DIP2C: variants seen among roughly 807,000 people sequenced by gnomAD.
The protein encoded by DIP2C is DIP2 acetate--CoA ligase C (putative).
Under a neutral mutation model 192.4 loss-of-function variants are expected in DIP2C, and 33 were observed. That is an observed-to-expected ratio of 0.17 (90% CI 0.13 to 0.23). The LOEUF (loss-of-function observed/expected upper bound fraction) is 0.23. DIP2C is among the 10% of genes least tolerant of loss of function. The pLI, the probability that DIP2C is intolerant of heterozygous loss-of-function variation, is 1.00. For missense variants in DIP2C, 1,537 were observed against 2,110.1 expected, an observed-to-expected ratio of 0.73 and a Z score of 5.32; for synonymous variants, 979 against 864.1, an observed-to-expected ratio of 1.13 and a Z score of -2.33.
intron 1 of DIP2C, among the ~76,000 whole-genome samples, chr10:616,300 G>T (rs1410752297): frequency 1.3e-5 from 2 of 152,212 alleles, no homozygotes; most frequent in Admixed American, 6.5e-5. Context: ...TTACAGACAA[G>T]CATGAATGAA....
chr10:364,653 G>A (rs1959964264), intron 19 of DIP2C, 71 bp from the exon 20 acceptor site: 2 of 1,512,356 alleles, frequency 1.3e-6, no homozygotes. Flanking sequence ...CGCTACTCCT[G>A]GGAGCACGGC....
At chr10:327,950 G>A (rs1957347279) in intron 30 of DIP2C, among the ~76,000 whole-genome samples, 3 of 152,192 alleles carry the variant, frequency 2.0e-5, no homozygotes, top group South Asian at 2.1e-4. Flanking sequence ...TACCTGGGCC[G>A]AGCAGAGGGA....
chr10:647,399 G>T (rs1356123556), intron 1 of DIP2C, among the ~76,000 whole-genome samples: 2 of 150,732 alleles, frequency 1.3e-5, no homozygotes, highest in Non-Finnish European at 3.0e-5. Context: ...CGTCCACATT[G>T]GATGGTGGGA....
intron 4 of DIP2C, among the ~76,000 whole-genome samples, chr10:424,354 G>GT (rs1564695965): frequency 3.3e-5 from 4 of 121,024 alleles, no homozygotes; most frequent in Admixed American, 2.0e-4. Context: ...TATCACCTTG[G>GT]GTTTTTTTTT....
chr10:416,073 A>C (rs1965615788), intron 6 of DIP2C, among the ~76,000 whole-genome samples, 185 bp from the exon 7 acceptor site: 1 of 151,148 alleles, frequency 6.6e-6, no homozygotes. Context: ...AGGAGACCGG[A>C]CAGAGATACA....
chr10:590,461 C>T (rs1414239608), intron 1 of DIP2C, among the ~76,000 whole-genome samples: 1 of 152,206 alleles, frequency 6.6e-6, no homozygotes, highest in Admixed American at 6.5e-5. Flanking sequence ...GAACCCACGC[C>T]GAACCTCAGT....
chr10:479,132 T>C (rs1211404410), intron 2 of DIP2C, among the ~76,000 whole-genome samples: 2 of 152,208 alleles, frequency 1.3e-5, no homozygotes, highest in East Asian at 3.8e-4. Context: ...AATTACATGC[T>C]CTTGTTCACA....
intron 36 of DIP2C, among the ~76,000 whole-genome samples, chr10:277,844 G>C (rs951751505): frequency 2.6e-5 from 4 of 152,064 alleles, no homozygotes; most frequent in Non-Finnish European, 4.4e-5. Flanking sequence ...CCCATTTCTA[G>C]CACAGCATCA....
At position 277,066 on chromosome 10, in the gene DIP2C, G is replaced by GT. The variant is rs58467652; in HGVS notation, c.*258dup. On this transcript the variant is annotated 3_prime_UTR_variant, in exon 37 of 37. Coordinates refer to ENST00000280886, the MANE Select transcript of DIP2C (RefSeq NM_014974.3). ...TAAAAAAGAAAGAAAAGAAAAGAAA[G>GT]TTTTGAAATGGGCTTTTCCAACAAA... 392,773 of 394,808 alleles carry GT rather than the reference G, an allele frequency of 0.99. 195,415 individuals carry two copies. The highest frequency in any genetic ancestry group is 1 in the East Asian group (25,095 of 25,096). The allele number at this position is 394,808 out of a possible 1,614,324, so 24.5% of individuals were successfully genotyped here.
Position 487,117 on chromosome 10 carries a change from C to T in DIP2C, c.86-587G>A, listed in dbSNP as rs760723214. Reference sequence around the variant, plus strand: ...GCAAGAATCCACATGTTAAAGCTCACAGACAGCCACGGACGCGCAGCAGCC... The same window carrying T: ...GCAAGAATCCACATGTTAAAGCTCATAGACAGCCACGGACGCGCAGCAGCC... On this transcript the variant is annotated intron_variant, in intron 1 of 36. Coordinates refer to ENST00000280886, the MANE Select transcript of DIP2C (RefSeq NM_014974.3). Among the ~76,000 whole-genome samples, 20 of 152,326 alleles carry T rather than the reference C, an allele frequency of 1.3e-4. 1 individual carries two copies. The highest frequency in any genetic ancestry group is 8.8e-5 in the Non-Finnish European group (6 of 68,026).
At chr10:631,959 T>A (rs1276214547) in intron 1 of DIP2C, among the ~76,000 whole-genome samples, 1 of 152,256 alleles carries the variant, frequency 6.6e-6, no homozygotes. Flanking sequence ...GCTGATAAAC[T>A]TCAAAACTTT....
chr10:473,552 CTA>C (rs1439810048), intron 2 of DIP2C, among the ~76,000 whole-genome samples: 3 of 151,604 alleles, frequency 2.0e-5, no homozygotes, highest in Non-Finnish European at 2.9e-5. Context: ...GGACGTCATC[CTA>C]TGTCATCCCC....
intron 1 of DIP2C, among the ~76,000 whole-genome samples, chr10:558,606 G>T (rs1386370425): frequency 6.6e-6 from 1 of 152,092 alleles, no homozygotes. Flanking sequence ...TCGCGTCTCG[G>T]GGAAAGGCAG....
Position 415,830 on chromosome 10 carries a change from T to C in DIP2C, c.798A>G (p.Lys266=), listed in dbSNP as rs767490057. ...CTCGTAAAGGTGGTCGTTTCGGTCGTTTGAGGGTATTGACAAGCTGCTGGA... is the reference window on the plus strand; with the variant it reads ...CTCGTAAAGGTGGTCGTTTCGGTCGCTTGAGGGTATTGACAAGCTGCTGGA... ...AKIQQLVNTL[K]RPKRPPLREF... is the part of the protein sequence containing the mutation. The change falls in exon 7 of 37, where the codon AAA becomes AAG. Residue 266 remains lysine, a synonymous_variant. Transcript: ENST00000280886. 6.8e-6 allele frequency: 11 copies of C among 1,613,714 alleles called. No individual in the cohort carries two copies. The Admixed American group carries it at 1.8e-4, about 27-fold the overall frequency.
At chr10:486,109 T>G (rs1370113505) in intron 2 of DIP2C, among the ~76,000 whole-genome samples, 1 of 152,222 alleles carries the variant, frequency 6.6e-6, no homozygotes, top group African/African-American at 2.4e-5. Context: ...ACAGAAGCCT[T>G]GGATTAAACC....
At position 689,469 on chromosome 10, in the gene DIP2C, C is replaced by T. The variant is rs756722065; in HGVS notation, c.85+25G>A. 8.7e-7 allele frequency: 1 copy of T among 1,156,010 alleles called. No individual in the cohort carries two copies. The highest frequency in any genetic ancestry group is 2.1e-5 in the South Asian group (1 of 46,522). 71.6% of individuals were successfully genotyped at this position (1,156,010 alleles called of 1,614,324 possible). ...GGCCCTCCCCGGTGACAGCGCGGCCCGGCCCGGGGCGGGGGCCCGGTTACC... is the reference window on the plus strand; with the variant it reads ...GGCCCTCCCCGGTGACAGCGCGGCCTGGCCCGGGGCGGGGGCCCGGTTACC... On this transcript the variant is annotated intron_variant, in intron 1 of 36. Coordinates refer to ENST00000280886, the MANE Select transcript of DIP2C (RefSeq NM_014974.3). This position sits in a 1 kb window ranked among gnomAD's most constrained non-coding sequence, Gnocchi z 6.1.
intron 7 of DIP2C, among the ~76,000 whole-genome samples, chr10:414,848 ATATTTG>A (rs1965501946): frequency 9.2e-6 from 1 of 109,122 alleles, no homozygotes; most frequent in Non-Finnish European, 1.8e-5. Flanking sequence ...ACACACATAT[ATATTTG>A]TGTGTGTGTG....
chr10:347,482 A>C, intron 26 of DIP2C, among the ~76,000 whole-genome samples: 2 of 93,186 alleles, frequency 2.1e-5, no homozygotes, highest in Non-Finnish European at 4.2e-5. Flanking sequence ...GAAACCCCAC[A>C]CTCACCCGGA....
rs186814252 is a variant in DIP2C at position 345,549 on chromosome 10, C to T, written c.3232-439G>A. Among the ~76,000 whole-genome samples the T allele has an allele frequency of 2.7e-3, 387 of 142,206 alleles. 2 individuals are homozygous for T. Among genetic ancestry groups the T allele is most frequent in the Middle Eastern group, 0.026 (7 of 270 alleles). 93.3% of individuals were successfully genotyped at this position (142,206 alleles called of 152,430 possible). On this transcript the variant is annotated intron_variant, in intron 26 of 36. Transcript: ENST00000280886. ...CCAGACACACCGCGCATAGTTCTCC[C>T]GGAAACCCCCCACACCCCCAACCCA... is the stretch of plus-strand genomic sequence containing the variant.
Sources: gnomAD v4.1 joint callset for allele counts (sites outside exome capture counted in the v4.1 genomes callset) on GRCh38, gnomAD v4.1.1 for gene constraint, Gnocchi (gnomAD v3.1) non-coding constraint, MANE v1.5 for transcripts, NCBI Gene and HGNC (gene_info 2026-07-23, HGNC 2026-07-21) for gene names.